The following LEPR variants were observed in gnomAD, a reference collection of about 807,000 sequenced individuals.
LEPR encodes OB receptor.
A neutral mutation model predicts 114.7 loss-of-function variants in LEPR; 56 were observed. The observed-to-expected ratio is 0.49, with a 90% CI of 0.39 to 0.61. The LOEUF (loss-of-function observed/expected upper bound fraction) is 0.61. Among genes scored for constraint, LEPR ranks in the 20% least tolerant of loss-of-function variants. The probability of loss-of-function intolerance (pLI) is 0.00; values close to 1 mark genes in which losing one functional copy is unlikely to be tolerated. For synonymous variants in LEPR, 443 were observed against 461.4 expected, an observed-to-expected ratio of 0.96 and a Z score of 0.51; for missense variants, 1,202 against 1,352.9, an observed-to-expected ratio of 0.89 and a Z score of 1.75.
intron 19 of LEPR, chr1:65,634,926 T>G: frequency 2.4e-6 from 2 of 820,858 alleles, no homozygotes; most frequent in Non-Finnish European, 2.9e-6. Context: ...ATATTATGAT[T>G]ATGAATAATA....
intron 16 of LEPR, 123 bp from the exon 17 acceptor site, chr1:65,619,805 A>G (rs1557700455): frequency 2.5e-6 from 2 of 813,932 alleles, no homozygotes; most frequent in Non-Finnish European, 4.0e-6. Context: ...TAATCCACAA[A>G]TAATAAGTAA....
chr1:65,551,394 C>G (rs1292319788), intron 2 of LEPR, among the ~76,000 whole-genome samples: 2 of 151,812 alleles, frequency 1.3e-5, no homozygotes, highest in African/African-American at 4.8e-5. Flanking sequence ...AATTTCAGAC[C>G]CTGTTTTTGG....
chr1:65,439,247 T>C (rs991347096), intron 2 of LEPR, among the ~76,000 whole-genome samples: 12 of 152,226 alleles, frequency 7.9e-5, no homozygotes, highest in Non-Finnish European at 7.4e-5. Flanking sequence ...CCCGGTAAGA[T>C]TTTTAGGAGA....
intron 19 of LEPR, among the ~76,000 whole-genome samples, chr1:65,629,812 C>T (rs1430370008): frequency 6.6e-6 from 1 of 151,918 alleles, no homozygotes; most frequent in African/African-American, 2.4e-5. Context: ...TTCTAGTGGA[C>T]TCTCCAGGAA....
Position 65,525,523 on chromosome 1 carries a change from C to T in LEPR, c.-20-40023C>T, listed in dbSNP as rs1033799835. On this transcript the variant is annotated intron_variant, in intron 2 of 19. Coordinates refer to ENST00000349533, the MANE Select transcript of LEPR (RefSeq NM_002303.6). ...CCGCCACCTGCGCGACCGCCCTAGCCGCTCGAGTCCGCTCCTCCCGCTCAG... is the reference window on the plus strand; with the variant it reads ...CCGCCACCTGCGCGACCGCCCTAGCTGCTCGAGTCCGCTCCTCCCGCTCAG... The T allele has an allele frequency of 2.8e-5, 18 of 648,176 alleles. No individual in the cohort carries two copies. In the Admixed American group the frequency reaches 3.2e-4, roughly 11 times the overall value. The allele number at this position is 648,176 out of a possible 1,614,324, so 40.2% of individuals were successfully genotyped here.
chr1:65,448,102 C>G (rs1646735530), intron 2 of LEPR, among the ~76,000 whole-genome samples: 1 of 152,132 alleles, frequency 6.6e-6, no homozygotes, highest in African/African-American at 2.4e-5. Flanking sequence ...TGCTCTTGAT[C>G]TTGGTGAGAA....
intron 5 of LEPR, among the ~76,000 whole-genome samples, chr1:65,582,882 C>T (rs538125156): frequency 2.6e-5 from 4 of 152,022 alleles, no homozygotes; most frequent in African/African-American, 4.8e-5. Flanking sequence ...AAGTAACCAC[C>T]CCATTTCACT....
intron 2 of LEPR, among the ~76,000 whole-genome samples, chr1:65,469,918 G>A (rs1437570866): frequency 6.6e-6 from 1 of 152,184 alleles, no homozygotes; most frequent in African/African-American, 2.4e-5. Context: ...GGCCTGACCT[G>A]TGCGCACAGC....
At chr1:65,564,945 G>A (rs753322611) in intron 2 of LEPR, among the ~76,000 whole-genome samples, 72 of 152,164 alleles carry the variant, frequency 4.7e-4, no homozygotes, top group Non-Finnish European at 6.9e-4. Context: ...CTCTGAAGTC[G>A]GACTTCATGT....
In LEPR at chr1:65,565,574, T is replaced by C; in HGVS notation, c.9T>C (p.Cys3=). ...TACTTCTCTGAAGTAAGATGATTTG[T>C]CAAAAATTCTGTGTGGTTTTGTTAC... is the stretch of plus-strand genomic sequence containing the variant. MI[C]QKFCVVLLHW... The change falls in exon 3 of 20, where the codon TGT becomes TGC. Residue 3 remains cysteine, a synonymous_variant. Coordinates refer to ENST00000349533, the MANE Select transcript of LEPR (RefSeq NM_002303.6). 2 of 1,613,964 alleles carry C rather than the reference T, an allele frequency of 1.2e-6. No homozygotes were observed. Among genetic ancestry groups the C allele is most frequent in the Non-Finnish European group, 1.7e-6 (2 of 1,179,942 alleles).
intron 2 of LEPR, chr1:65,433,369 C>A: frequency 1.0e-6 from 1 of 985,376 alleles, no homozygotes; most frequent in Non-Finnish European, 1.2e-6. Context: ...TTGGGTATAC[C>A]TGTCATGTTG....
intron 2 of LEPR, among the ~76,000 whole-genome samples, chr1:65,487,451 C>T (rs1389828849): frequency 2.0e-5 from 3 of 152,020 alleles, no homozygotes; most frequent in South Asian, 2.1e-4. Context: ...ATATTGGATA[C>T]TTGAATTGTT....
At chr1:65,438,192 T>A (rs1031100749) in intron 2 of LEPR, among the ~76,000 whole-genome samples, 5 of 130,302 alleles carry the variant, frequency 3.8e-5, no homozygotes, top group Admixed American at 3.7e-4. Flanking sequence ...ATAATATAAA[T>A]AAAATAGCTT....
chr1:65,525,763 G>C (rs1649906438), intron 2 of LEPR: 49 of 986,070 alleles, frequency 5.0e-5, no homozygotes, highest in Non-Finnish European at 5.9e-5. Context: ...GCAGGTGCCC[G>C]AGCCCCGGCG....
chr1:65,544,902 C>T (rs1651550188), intron 2 of LEPR, among the ~76,000 whole-genome samples: 2 of 150,126 alleles, frequency 1.3e-5, no homozygotes, highest in Non-Finnish European at 3.0e-5. Context: ...GTGTGCTGCA[C>T]CCATTAACTC....
intron 5 of LEPR, among the ~76,000 whole-genome samples, chr1:65,575,499 G>A (rs1654523345): frequency 6.6e-6 from 1 of 151,248 alleles, no homozygotes; most frequent in African/African-American, 2.5e-5. Context: ...TGTGTATGTA[G>A]TATCATAATT....
chr1:65,550,270 G>A (rs1011458426), intron 2 of LEPR, among the ~76,000 whole-genome samples: 1 of 152,192 alleles, frequency 6.6e-6, no homozygotes, highest in Non-Finnish European at 1.5e-5. Context: ...AGGGGTCAGG[G>A]ACCCACTTGA....
At chr1:65,516,879 C>A (rs901417719) in intron 2 of LEPR, among the ~76,000 whole-genome samples, 2 of 152,128 alleles carry the variant, frequency 1.3e-5, no homozygotes. Flanking sequence ...TATTCTGAGA[C>A]CTTGATTTTG....
Position 65,638,902 on chromosome 1 carries a change from A to G in LEPR, c.*1887A>G, listed in dbSNP as rs1658795052. On this transcript the variant is annotated 3_prime_UTR_variant, in exon 20 of 20. Coordinates refer to ENST00000349533, the MANE Select transcript of LEPR (RefSeq NM_002303.6). Reference sequence around the variant, plus strand: ...TTTACATGGCTTTAGAGACACAGAAACAGATAAATTATTACATGTATAAAA... The same window carrying G: ...TTTACATGGCTTTAGAGACACAGAAGCAGATAAATTATTACATGTATAAAA... 1 of 152,222 alleles carries G rather than the reference A, an allele frequency of 6.6e-6. No homozygotes were observed. Among genetic ancestry groups the G allele is most frequent in the African/African-American group, 2.4e-5 (1 of 41,462 alleles). 9.4% of individuals were successfully genotyped at this position (152,222 alleles called of 1,614,324 possible). A position where few individuals can be genotyped will look rare whatever the true frequency, so the allele number is the denominator to read the frequency against.
Sources: gnomAD v4.1 joint callset for allele counts (sites outside exome capture counted in the v4.1 genomes callset) on GRCh38, gnomAD v4.1.1 for gene constraint, MANE v1.5 for transcripts, NCBI Gene and HGNC (gene_info 2026-07-23, HGNC 2026-07-21) for gene names.